SRRM4: variants seen among roughly 807,000 people sequenced by gnomAD.
SRRM4 encodes serine/arginine repetitive matrix 4, also known as serine/arginine repetitive matrix protein 4.
SRRM4 carries 33 observed loss-of-function variants against 68.9 expected under a neutral mutation model. The ratio of observed to expected loss-of-function variants is 0.48; its 90% CI spans 0.36 to 0.64. The LOEUF (loss-of-function observed/expected upper bound fraction) is 0.64, where lower values mean the gene tolerates loss of function less well. Among genes scored for constraint, SRRM4 ranks in the 30% least tolerant of loss-of-function variants. The probability of loss-of-function intolerance (pLI) is 0.00; values close to 1 mark genes in which losing one functional copy is unlikely to be tolerated. For synonymous variants in SRRM4, 318 were observed against 318.8 expected (o/e 1.00, Z 0.03); for missense variants, 817 against 827.1 (o/e 0.99, Z 0.15).
chr12:119,100,879 GCA>G (rs1473354857), intron 1 of SRRM4, among the ~76,000 whole-genome samples: 3 of 152,222 alleles, frequency 2.0e-5, no homozygotes, highest in Non-Finnish European at 4.4e-5. Context: ...AGTTCTGGAA[GCA>G]CAGAGTTGGC....
intron 1 of SRRM4, among the ~76,000 whole-genome samples, chr12:118,998,176 C>A (rs1953360725): frequency 6.9e-6 from 1 of 145,760 alleles, no homozygotes; most frequent in Non-Finnish European, 1.5e-5. Flanking sequence ...ACATTTAACA[C>A]CCAAGAAAAG....
chr12:119,122,149 A>G lies in SRRM4; in HGVS notation c.515+29A>G, dbSNP rs140958905. On this transcript the variant is annotated intron_variant, in intron 6 of 12. Transcript: ENST00000267260. ...AGTAGATACTACCTGGAATGTACTC[A>G]TCAGTTTGAGGAGTTGGGGCATCTG... The G allele has an allele frequency of 1.1e-3, 1,732 of 1,521,246 alleles. 17 individuals carry two copies. The African/African-American group carries it at 0.02, about 17-fold the overall frequency. The allele number at this position is 1,521,246 out of a possible 1,614,324, so 94.2% of individuals were successfully genotyped here.
chr12:119,006,121 G>T (rs1953414609), intron 1 of SRRM4, among the ~76,000 whole-genome samples: 1 of 152,198 alleles, frequency 6.6e-6, no homozygotes. Context: ...GCCCTGGCTG[G>T]CCCATCTGTT....
rs188331265 is a variant in SRRM4 at position 119,154,231 on chromosome 12, G to T, written c.1392-12G>T. 1 of 1,592,120 alleles carries T rather than the reference G, an allele frequency of 6.3e-7. No homozygotes were observed. On this transcript the variant is annotated splice_polypyrimidine_tract_variant and intron_variant, in intron 11 of 12. Transcript: ENST00000267260. This position sits in a 1 kb window ranked among gnomAD's most constrained non-coding sequence, Gnocchi z 4.7. ...AGCCCCAGCTCCCCAGTAACCCCCCGCGCCCCTTCAGGGAGCGGGATCCCA... is the reference window on the plus strand; with the variant it reads ...AGCCCCAGCTCCCCAGTAACCCCCCTCGCCCCTTCAGGGAGCGGGATCCCA...
intron 1 of SRRM4, among the ~76,000 whole-genome samples, chr12:118,985,953 T>A (rs554195308): frequency 5.3e-5 from 8 of 152,228 alleles, no homozygotes; most frequent in Admixed American, 1.3e-4. Context: ...AGAACACACA[T>A]TTTCCTTACA....
chr12:119,107,807 T>C (rs569760673), intron 2 of SRRM4, among the ~76,000 whole-genome samples: 1 of 152,270 alleles, frequency 6.6e-6, no homozygotes, highest in African/African-American at 2.4e-5. Flanking sequence ...GTTTTTTGTG[T>C]ATCTCCTTCA....
At position 119,122,438 on chromosome 12, in the gene SRRM4, G is replaced by A. The variant is rs537812706; in HGVS notation, c.515+318G>A. ...GTATATGATGTGTATGTGTATGCAC[G>A]CTTGTTTATGTTGCATGAAAGGGTG... is the stretch of plus-strand genomic sequence containing the variant. On this transcript the variant is annotated intron_variant, in intron 6 of 12. Transcript: ENST00000267260. Among the ~76,000 whole-genome samples, 235 of 152,272 alleles carry A rather than the reference G, an allele frequency of 1.5e-3. 1 individual carries two copies. Among genetic ancestry groups the A allele is most frequent in the African/African-American group, 5.3e-3 (221 of 41,552 alleles).
At chr12:119,092,803 C>A (rs985498303) in intron 1 of SRRM4, among the ~76,000 whole-genome samples, 2 of 152,090 alleles carry the variant, frequency 1.3e-5, no homozygotes, top group Non-Finnish European at 2.9e-5. Flanking sequence ...ATGAAGCCTC[C>A]AATGGCATCT....
intron 1 of SRRM4, among the ~76,000 whole-genome samples, chr12:119,087,722 G>C (rs1953988167): frequency 6.6e-6 from 1 of 152,156 alleles, no homozygotes; most frequent in Admixed American, 6.5e-5. Flanking sequence ...GGGGGATGCA[G>C]AGACATGATC....
intron 1 of SRRM4, among the ~76,000 whole-genome samples, chr12:119,101,012 G>C (rs1954075065): frequency 6.6e-6 from 1 of 152,166 alleles, no homozygotes; most frequent in Admixed American, 6.5e-5. Flanking sequence ...GTGTTTTGCT[G>C]CCCTTCCTTC....
chr12:119,146,665 G>C (rs191065897), intron 9 of SRRM4, among the ~76,000 whole-genome samples: 11 of 151,806 alleles, frequency 7.2e-5, no homozygotes, highest in African/African-American at 2.7e-4. Context: ...GGCCAGGTGC[G>C]GTGGCTCACG....
intron 7 of SRRM4, among the ~76,000 whole-genome samples, chr12:119,126,171 C>T (rs1332199110): frequency 6.6e-6 from 1 of 151,432 alleles, no homozygotes; most frequent in Admixed American, 6.6e-5. Flanking sequence ...CTACAGGCGC[C>T]CGCCACCACA....
At chr12:119,010,147 G>A (rs147979586) in intron 1 of SRRM4, among the ~76,000 whole-genome samples, 229 of 152,312 alleles carry the variant, frequency 1.5e-3, no homozygotes, top group African/African-American at 5.4e-3. Context: ...CCGCCTCCCA[G>A]GTTCAAGCAA....
At chr12:119,012,115 G>GA in intron 1 of SRRM4, among the ~76,000 whole-genome samples, 1 of 152,164 alleles carries the variant, frequency 6.6e-6, no homozygotes, top group Non-Finnish European at 1.5e-5. Context: ...TTTTTACATG[G>GA]AAAAAGAGGA....
chr12:119,026,709 C>T lies in SRRM4; in HGVS notation c.131+44696C>T, dbSNP rs184694355. On this transcript the variant is annotated intron_variant, in intron 1 of 12. Transcript: ENST00000267260. ...GATTACCAGCGTGCACCACCTCACC[C>T]GGCTAATTTTTGTTTTTTTTGTAGA... 3.8e-3 allele frequency among the ~76,000 whole-genome samples: 585 copies of T among 152,038 alleles called. 7 individuals are homozygous for T. The highest frequency in any genetic ancestry group is 0.013 in the African/African-American group (552 of 41,462).
chr12:119,078,155 C>T (rs1953927448), intron 1 of SRRM4, among the ~76,000 whole-genome samples: 1 of 152,206 alleles, frequency 6.6e-6, no homozygotes, highest in Non-Finnish European at 1.5e-5. Flanking sequence ...ATATCATTTT[C>T]ATGACTTTGG....
chr12:119,014,501 G>A (rs1330362898), intron 1 of SRRM4, among the ~76,000 whole-genome samples: 1 of 152,206 alleles, frequency 6.6e-6, no homozygotes, highest in Non-Finnish European at 1.5e-5. Context: ...TCAAAGGAAG[G>A]CAGGTATTAG....
chr12:119,124,904 A>G (rs1440369943), intron 6 of SRRM4, among the ~76,000 whole-genome samples: 3 of 152,228 alleles, frequency 2.0e-5, no homozygotes, highest in African/African-American at 7.2e-5. Context: ...CACTTGAAAA[A>G]TTAGAGGATC....
At chr12:119,116,841 C>A in intron 3 of SRRM4, 96 bp from the exon 4 acceptor site, 1 of 980,402 alleles carries the variant, frequency 1.0e-6, no homozygotes, top group Non-Finnish European at 1.6e-6. Flanking sequence ...CCTGCAAGAG[C>A]TAAAACCCTG....
Sources: allele counts gnomAD v4.1 joint callset (sites outside exome capture counted in the v4.1 genomes callset), GRCh38; gene constraint gnomAD v4.1.1; non-coding constraint Gnocchi (gnomAD v3.1); transcripts MANE v1.5; gene names NCBI Gene and HGNC (gene_info 2026-07-23, HGNC 2026-07-21).